DNAH10: variants seen among roughly 807,000 people sequenced by gnomAD.
DNAH10 encodes the protein axonemal beta dynein heavy chain 10.
A neutral mutation model predicts 506.6 loss-of-function variants in DNAH10; 348 were observed. The ratio of observed to expected loss-of-function variants is 0.69; its 90% confidence interval spans 0.63 to 0.75. DNAH10 has a LOEUF of 0.75. Among genes scored for constraint, DNAH10 ranks in the 30% least tolerant of loss-of-function variants. DNAH10 has a pLI of 0.00. For missense variants in DNAH10, 5,179 were observed against 5,787.1 expected (o/e 0.89, Z 3.41); for synonymous variants, 2,059 against 2,198.6 (o/e 0.94, Z 1.78).
At chr12:123,844,279 C>T (rs1320593447) in intron 30 of DNAH10, among the ~76,000 whole-genome samples, 1 of 152,180 alleles carries the variant, frequency 6.6e-6, no homozygotes, top group Admixed American at 6.5e-5. Context: ...CCCTCAACAC[C>T]TGGGGATTAT....
chr12:123,846,049 C>T lies in DNAH10; in HGVS notation c.5709C>T (p.Ile1903=). ...ACCGGGAGCCGGATGAGCTGAACAT[C>T]CGCCAGTGCACGGGAACCTTTGGCT... ...YWDREPDELN[I]RQCTGTFGYG... Residue 1903 remains isoleucine (I), a synonymous_variant, in exon 32 of 79, where the codon ATC becomes ATT. Transcript: ENST00000673944. This position sits in a 1 kb window ranked among gnomAD's most constrained non-coding sequence, Gnocchi z 4.5. 1.9e-6 allele frequency: 3 copies of T among 1,614,026 alleles called. No homozygotes were observed. Among genetic ancestry groups the T allele is most frequent in the Non-Finnish European group, 2.5e-6 (3 of 1,179,902 alleles).
chr12:123,930,843 T>C (rs1006600119), intron 73 of DNAH10, among the ~76,000 whole-genome samples: 1 of 152,038 alleles, frequency 6.6e-6, no homozygotes, highest in Non-Finnish European at 1.5e-5. Flanking sequence ...TCGTAAAAGA[T>C]GAACATACGG....
rs1468550497 is a variant in DNAH10 at position 123,864,636 on chromosome 12, A to G, written c.6950A>G (p.Glu2317Gly). ...FDGDVDALWV[E>G]NMNSVMDDNR... is the part of the protein sequence containing the mutation. ...GGTGATGTGGATGCTCTATGGGTGGAAAACATGAATTCTGTGATGGATGAC... is the reference window on the plus strand; with the variant it reads ...GGTGATGTGGATGCTCTATGGGTGGGAAACATGAATTCTGTGATGGATGAC... Residue 2317 changes from glutamate (E) to glycine (G), a missense_variant, in exon 40 of 79, where the codon GAA becomes GGA. Around this residue, in one of 3 missense-constraint regions of DNAH10, gnomAD observed 4,844 missense variants for 5,430.5 expected, o/e 0.89. Transcript: ENST00000673944. The G allele has an allele frequency of 2.5e-6, 4 of 1,613,996 alleles. No homozygotes were observed. The African/African-American group carries it at 5.3e-5, about 22-fold the overall frequency.
At chr12:123,886,387 C>G (rs1952726738) in intron 51 of DNAH10, among the ~76,000 whole-genome samples, 1 of 151,928 alleles carries the variant, frequency 6.6e-6, no homozygotes, top group Non-Finnish European at 1.5e-5. Context: ...CGGCTGCACT[C>G]GGGAGGGGTG....
At chr12:123,811,255 T>C (rs565140648) in intron 19 of DNAH10, among the ~76,000 whole-genome samples, 1 of 152,176 alleles carries the variant, frequency 6.6e-6, no homozygotes, top group South Asian at 2.1e-4. Context: ...ATATAACACG[T>C]GTATACAGCT....
Position 123,813,580 on chromosome 12 carries a change from T to C in DNAH10, c.3561T>C (p.Leu1187=), listed in dbSNP as rs1959027182. The C allele has an allele frequency of 6.2e-7, 1 of 1,614,230 alleles. No individual in the cohort carries two copies. The highest frequency in any genetic ancestry group is 8.5e-7 in the Non-Finnish European group (1 of 1,180,034). ...ATGCCAAGTCCTGGGTGATTTCGCT[T>C]GGAAAACTTCTCAATGAGTCAGCAA... The part of the protein sequence containing the change: ...QENAKSWVIS[L]GKLLNESAKE... The change falls in exon 20 of 79, where the codon CTT becomes CTC. Residue 1187 remains leucine (L), a synonymous_variant. Coordinates refer to ENST00000673944, the MANE Select transcript of DNAH10 (RefSeq NM_001372106.1).
chr12:123,850,803 G>A lies in DNAH10; in HGVS notation c.6103-85G>A, dbSNP rs1040586785. On this transcript the variant is annotated intron_variant, in intron 34 of 78. Transcript: ENST00000673944. The surrounding 1 kb of genome is among the most constrained non-coding windows in gnomAD (Gnocchi z 5.5). Reference sequence around the variant, plus strand: ...TCATACCATGAAAATGAATCGCCACGCAGCTCGCCGCAGGCCCCCTTTCCA... The same window carrying A: ...TCATACCATGAAAATGAATCGCCACACAGCTCGCCGCAGGCCCCCTTTCCA... 3.6e-6 allele frequency: 5 copies of A among 1,376,754 alleles called. No homozygotes were observed. The highest frequency in any genetic ancestry group is 1.4e-5 in the South Asian group (1 of 72,412). 85.3% of individuals were successfully genotyped at this position (1,376,754 alleles called of 1,614,324 possible). A position where few individuals can be genotyped will look rare whatever the true frequency, so the allele number is the denominator to read the frequency against.
At chr12:123,880,841 C>T (rs1174513228) in intron 50 of DNAH10, among the ~76,000 whole-genome samples, 2 of 134,764 alleles carry the variant, frequency 1.5e-5, no homozygotes, top group Middle Eastern at 4.2e-3. Flanking sequence ...TGATGTTCCC[C>T]TTCCTGTGTC....
Position 123,935,626 on chromosome 12 carries a change from T to G in DNAH10, c.*145T>G. ...ATTTGAAATCAGCCACTTAAATCTCTTTCCATACAAATTAACCTGAATGGT... is the reference window on the plus strand; with the variant it reads ...ATTTGAAATCAGCCACTTAAATCTCGTTCCATACAAATTAACCTGAATGGT... On this transcript the variant is annotated 3_prime_UTR_variant, in exon 79 of 79. Coordinates refer to ENST00000673944, the MANE Select transcript of DNAH10 (RefSeq NM_001372106.1). 2.3e-6 allele frequency: 2 copies of G among 857,500 alleles called. No homozygotes were observed. The highest frequency in any genetic ancestry group is 3.4e-6 in the Non-Finnish European group (2 of 584,010). 53.1% of individuals were successfully genotyped at this position (857,500 alleles called of 1,614,324 possible). A position where few individuals can be genotyped will look rare whatever the true frequency, so the allele number is the denominator to read the frequency against.
Position 123,864,908 on chromosome 12 carries a change from GACT to G in DNAH10, c.7044+182_7044+184del, listed in dbSNP as rs1245617455. On this transcript the variant is annotated intron_variant, in intron 40 of 78. Coordinates refer to ENST00000673944, the MANE Select transcript of DNAH10 (RefSeq NM_001372106.1). The stretch of plus-strand genomic sequence containing the variant: ...TCTCATCCCTCTTTATCCCAGAAGT[GACT>G]ACTTTTACTTTTTATGAATTGTTTC... Among the ~76,000 whole-genome samples the G allele has an allele frequency of 3.3e-5, 5 of 152,282 alleles. 1 individual carries two copies. In the East Asian group the frequency reaches 9.6e-4, roughly 29 times the overall value.
intron 43 of DNAH10, among the ~76,000 whole-genome samples, chr12:123,868,957 C>T (rs998104684): frequency 6.6e-6 from 1 of 152,246 alleles, no homozygotes; most frequent in South Asian, 2.1e-4. Flanking sequence ...TTGCTGCCAT[C>T]TGCAATTCCC....
chr12:123,907,658 C>G lies in DNAH10; in HGVS notation c.9816-1603C>G, dbSNP rs1027108937. Reference sequence around the variant, plus strand: ...ACGCCCTGGCTGGTTCCTAACTTGCCCAAGGGCTCAGGACCCCGCCGCAGG... The same window carrying G: ...ACGCCCTGGCTGGTTCCTAACTTGCGCAAGGGCTCAGGACCCCGCCGCAGG... On this transcript the variant is annotated intron_variant, in intron 57 of 78. Transcript: ENST00000673944. This position sits in a 1 kb window ranked among gnomAD's most constrained non-coding sequence, Gnocchi z 4.4. 6.6e-6 allele frequency among the ~76,000 whole-genome samples: 1 copy of G among 152,174 alleles called. No homozygotes were observed. The highest frequency in any genetic ancestry group is 1.5e-5 in the Non-Finnish European group (1 of 68,028).
At position 123,803,665 on chromosome 12, in the gene DNAH10, C is replaced by T. The variant is rs80041527; in HGVS notation, c.2619C>T (p.Ile873=). ...YKRLNWNSLG[I]GDYITGCKQA... Reference sequence around the variant, plus strand: ...TCTTTCTTTCTTTCTTCAAAGGTATCGGTGACTATATAACTGGTTGCAAAC... The same window carrying T: ...TCTTTCTTTCTTTCTTCAAAGGTATTGGTGACTATATAACTGGTTGCAAAC... The change falls in exon 17 of 79, where the codon ATC becomes ATT. Residue 873 remains isoleucine (I), a synonymous_variant. Coordinates refer to ENST00000673944, the MANE Select transcript of DNAH10 (RefSeq NM_001372106.1). 0.062 allele frequency: 97,248 copies of T among 1,564,904 alleles called. 8,246 individuals carry two copies. Among genetic ancestry groups the T allele is most frequent in the African/African-American group, 0.42 (29,918 of 71,696 alleles).
At chr12:123,910,459 T>A in intron 58 of DNAH10, 77 bp from the exon 59 acceptor site, 1 of 1,538,368 alleles carries the variant, frequency 6.5e-7, no homozygotes, top group South Asian at 1.2e-5. Context: ...AAGAAACTAG[T>A]TATGCTTATT....
intron 35 of DNAH10, among the ~76,000 whole-genome samples, chr12:123,851,421 T>TGGG (rs1951172068): frequency 6.7e-6 from 1 of 149,950 alleles, no homozygotes; most frequent in African/African-American, 2.5e-5. Flanking sequence ...TGTGGCTCTT[T>TGGG]GATTTTTGTT....
intron 19 of DNAH10, among the ~76,000 whole-genome samples, chr12:123,810,180 T>C (rs1217991480): frequency 6.6e-6 from 1 of 152,178 alleles, no homozygotes; most frequent in Non-Finnish European, 1.5e-5. Context: ...TGAATGAACA[T>C]CTGCTGGCAG....
At chr12:123,788,924 CAAAAAAA>C (rs1200548876) in intron 10 of DNAH10, among the ~76,000 whole-genome samples, 46 of 66,612 alleles carry the variant, frequency 6.9e-4, no homozygotes, top group Non-Finnish European at 1.3e-3. Flanking sequence ...GACCTTGCTT[CAAAAAAA>C]AAAAAAAAAA....
At chr12:123,833,463 A>G (rs1960794119) in intron 27 of DNAH10, 116 bp downstream of exon 27, 2 of 778,220 alleles carry the variant, frequency 2.6e-6, no homozygotes, top group Admixed American at 2.8e-5. Context: ...TTAGAAACAA[A>G]TGATCCTCTT....
At chr12:123,852,384 G>C (rs530615031) in intron 35 of DNAH10, among the ~76,000 whole-genome samples, 7 of 152,210 alleles carry the variant, frequency 4.6e-5, no homozygotes, top group African/African-American at 1.7e-4. Flanking sequence ...TTGTCACATT[G>C]CGTTTCTGCA....
Sources: allele counts gnomAD v4.1 joint callset (sites outside exome capture counted in the v4.1 genomes callset), GRCh38; gene constraint gnomAD v4.1.1; regional missense constraint gnomAD v4.1.1; non-coding constraint Gnocchi (gnomAD v3.1); transcripts MANE v1.5; gene names NCBI Gene and HGNC (gene_info 2026-07-23, HGNC 2026-07-21).